The following ST6GALNAC3 variants were observed in gnomAD, a reference collection of about 807,000 sequenced individuals.
ST6GALNAC3 encodes the protein alpha-N-acetylgalactosaminide alpha-2,6-sialyltransferase 3.
Under a neutral mutation model 32.7 loss-of-function variants are expected in ST6GALNAC3, and 25 were observed. The ratio of observed to expected loss-of-function variants is 0.76; its 90% confidence interval spans 0.56 to 1.07. The LOEUF (loss-of-function observed/expected upper bound fraction) is 1.07. Ranked by LOEUF, ST6GALNAC3 falls within the 50% of genes least tolerant of loss-of-function variation. ST6GALNAC3 has a pLI of 0.00. For synonymous variants in ST6GALNAC3, 129 were observed against 133.1 expected, an observed-to-expected ratio of 0.97 and a Z score of 0.21; for missense variants, 355 against 382.4, an observed-to-expected ratio of 0.93 and a Z score of 0.60.
At chr1:76,083,409 C>T (rs1144344) in intron 1 of ST6GALNAC3, among the ~76,000 whole-genome samples, 2 of 152,162 alleles carry the variant, frequency 1.3e-5, no homozygotes, top group Admixed American at 1.3e-4. Flanking sequence ...CTTTGTGAAG[C>T]GTTTGCCTTA....
chr1:76,203,970 G>A (rs1654679109), intron 1 of ST6GALNAC3, among the ~76,000 whole-genome samples: 1 of 152,106 alleles, frequency 6.6e-6, no homozygotes, highest in Admixed American at 6.5e-5. Flanking sequence ...TCAAACACTA[G>A]CTTTTATTTT....
chr1:76,302,633 G>A (rs912728601), intron 1 of ST6GALNAC3, among the ~76,000 whole-genome samples: 2 of 152,000 alleles, frequency 1.3e-5, no homozygotes, highest in African/African-American at 4.8e-5. Flanking sequence ...TTACCAGGCA[G>A]TGCTCTAAGG....
intron 2 of ST6GALNAC3, among the ~76,000 whole-genome samples, chr1:76,338,169 T>A (rs77722982): frequency 0.084 from 12,819 of 152,228 alleles, 790 homozygotes; most frequent in Non-Finnish European, 0.13. Context: ...AAAGTATTAC[T>A]CTTCTAGGAT....
At chr1:76,106,787 T>G (rs1263739646) in intron 1 of ST6GALNAC3, among the ~76,000 whole-genome samples, 1 of 152,182 alleles carries the variant, frequency 6.6e-6, no homozygotes, top group Non-Finnish European at 1.5e-5. Context: ...TGAAAACAAC[T>G]TGCTGAAGTA....
chr1:76,463,874 A>G (rs899820210), intron 3 of ST6GALNAC3, among the ~76,000 whole-genome samples: 5 of 152,116 alleles, frequency 3.3e-5, no homozygotes, highest in African/African-American at 1.2e-4. Context: ...ACTAGCAGGA[A>G]CTAGAGGGAA....
chr1:76,287,081 GT>G (rs1659825082), intron 1 of ST6GALNAC3, among the ~76,000 whole-genome samples: 1 of 152,176 alleles, frequency 6.6e-6, no homozygotes, highest in African/African-American at 2.4e-5. Flanking sequence ...AAAGAAACAA[GT>G]TTTAAAACTA....
chr1:76,265,551 A>T (rs895944909), intron 1 of ST6GALNAC3, among the ~76,000 whole-genome samples: 3 of 152,126 alleles, frequency 2.0e-5, no homozygotes, highest in Admixed American at 6.5e-5. Flanking sequence ...ATTTCCCCTC[A>T]GCTCTTTATT....
intron 1 of ST6GALNAC3, among the ~76,000 whole-genome samples, chr1:76,284,172 C>T (rs1450733394): frequency 6.6e-6 from 1 of 152,124 alleles, no homozygotes; most frequent in Non-Finnish European, 1.5e-5. Flanking sequence ...GCTCAAAGAT[C>T]TCTGACACCA....
At chr1:76,270,455 C>T (rs1278925751) in intron 1 of ST6GALNAC3, among the ~76,000 whole-genome samples, 2 of 144,854 alleles carry the variant, frequency 1.4e-5, no homozygotes, top group South Asian at 2.2e-4. Context: ...TGCAGTGAGC[C>T]GAGATCGCAC....
chr1:76,434,784 G>GTTTTTTTTTTTTTTTTT (rs1211703628), intron 3 of ST6GALNAC3, among the ~76,000 whole-genome samples: 9 of 72,204 alleles, frequency 1.2e-4, no homozygotes, highest in Admixed American at 1.9e-4. Context: ...TTTTTTCTCT[G>GTTTTTTTTTTTTTTTTT]TTTTTTTTTT....
chr1:76,135,667 C>T (rs554414956), intron 1 of ST6GALNAC3, among the ~76,000 whole-genome samples: 3 of 152,264 alleles, frequency 2.0e-5, no homozygotes, highest in Admixed American at 6.5e-5. Flanking sequence ...TGACGCAAAT[C>T]GAACATCAGG....
chr1:76,207,663 C>T (rs1654896565), intron 1 of ST6GALNAC3, among the ~76,000 whole-genome samples: 1 of 152,178 alleles, frequency 6.6e-6, no homozygotes, highest in Non-Finnish European at 1.5e-5. Context: ...TCTCTGGTCT[C>T]ATGAGTTAAT....
intron 3 of ST6GALNAC3, among the ~76,000 whole-genome samples, chr1:76,422,816 C>T (rs1041220918): frequency 1.3e-5 from 2 of 151,994 alleles, no homozygotes; most frequent in African/African-American, 2.4e-5. Flanking sequence ...TATTGTTGCA[C>T]GAACATCTAG....
chr1:76,467,176 C>G (rs998127381), intron 3 of ST6GALNAC3, among the ~76,000 whole-genome samples: 1 of 151,950 alleles, frequency 6.6e-6, no homozygotes, highest in African/African-American at 2.4e-5. Context: ...CATTCTTGTT[C>G]TTTTGGGGAT....
chr1:76,401,422 C>T (rs1050397613), intron 2 of ST6GALNAC3, among the ~76,000 whole-genome samples: 2 of 152,148 alleles, frequency 1.3e-5, no homozygotes, highest in Non-Finnish European at 2.9e-5. Flanking sequence ...AAATTTTTCA[C>T]TAGACTCCAA....
chr1:76,255,265 T>C (rs1224608217), intron 1 of ST6GALNAC3, among the ~76,000 whole-genome samples: 4 of 152,094 alleles, frequency 2.6e-5, no homozygotes, highest in Non-Finnish European at 5.9e-5. Context: ...CTGAGTTGTT[T>C]GCGCTTGGGA....
intron 3 of ST6GALNAC3, among the ~76,000 whole-genome samples, chr1:76,585,318 G>A (rs1646945919): frequency 1.3e-5 from 2 of 151,940 alleles, no homozygotes; most frequent in South Asian, 2.1e-4. Flanking sequence ...CTTGGGCAGT[G>A]GAGGTTGCAG....
intron 3 of ST6GALNAC3, among the ~76,000 whole-genome samples, chr1:76,549,751 T>C (rs1455577261): frequency 6.6e-6 from 1 of 152,158 alleles, no homozygotes; most frequent in Non-Finnish European, 1.5e-5. Flanking sequence ...ATTGCTCTGA[T>C]TTTCTTTGAT....
intron 3 of ST6GALNAC3, among the ~76,000 whole-genome samples, chr1:76,589,651 C>T (rs1158136126): frequency 6.6e-6 from 1 of 151,770 alleles, no homozygotes; most frequent in Non-Finnish European, 1.5e-5. Flanking sequence ...CAGAGCTCTA[C>T]TCCTAACTGC....
Sources: gnomAD v4.1 joint callset for allele counts (sites outside exome capture counted in the v4.1 genomes callset) on GRCh38, gnomAD v4.1.1 for gene constraint, MANE v1.5 for transcripts, NCBI Gene and HGNC (gene_info 2026-07-23, HGNC 2026-07-21) for gene names.